The following RBMS3 variants were observed in gnomAD, a reference collection of about 807,000 sequenced individuals.
RBMS3 encodes RNA binding motif single stranded interacting protein 3.
A neutral mutation model predicts 66.8 loss-of-function variants in RBMS3; 27 were observed. The observed-to-expected ratio is 0.40, with a 90% CI of 0.30 to 0.56. The LOEUF is 0.56. Among genes scored for constraint, RBMS3 ranks in the 20% least tolerant of loss-of-function variants. The probability of loss-of-function intolerance (pLI) is 0.40; values close to 1 mark genes in which losing one functional copy is unlikely to be tolerated. For missense variants in RBMS3, 513 were observed against 549.5 expected, an observed-to-expected ratio of 0.93 and a Z score of 0.66; for synonymous variants, 188 against 183.0, an observed-to-expected ratio of 1.03 and a Z score of -0.22.
At chr3:29,294,392 T>C (rs1240511807) in intron 1 of RBMS3, among the ~76,000 whole-genome samples, 2 of 151,104 alleles carry the variant, frequency 1.3e-5, no homozygotes, top group Non-Finnish European at 3.0e-5. Flanking sequence ...TCCTAACTAA[T>C]GGGAAAAACC....
At chr3:29,363,654 G>A (rs187675018) in intron 1 of RBMS3, among the ~76,000 whole-genome samples, 2 of 152,172 alleles carry the variant, frequency 1.3e-5, no homozygotes, top group African/African-American at 4.8e-5. Context: ...GCCGAGTGTT[G>A]TGGCATGCAC....
intron 1 of RBMS3, among the ~76,000 whole-genome samples, chr3:29,296,695 C>T (rs181860192): frequency 6.6e-6 from 1 of 151,868 alleles, no homozygotes; most frequent in African/African-American, 2.4e-5. Flanking sequence ...ATCATAAAGT[C>T]TCAACAGTTT....
rs35876128 is a variant in RBMS3, at chr3:29,530,705, C to CAAAAA, written c.307+42219_307+42223dup. On this transcript the variant is annotated intron_variant, in intron 3 of 14. Coordinates refer to ENST00000383767, the MANE Select transcript of RBMS3 (RefSeq NM_001003793.3). Reference sequence around the variant, plus strand: ...TGAAACGCCATCTCTACTAAAAATACAAAAAAAAAAAAAAAAATTAGATGG... The same window carrying CAAAAA: ...TGAAACGCCATCTCTACTAAAAATACAAAAAAAAAAAAAAAAAAAAAATTAGATGG... Among the ~76,000 whole-genome samples, 233 of 123,724 alleles carry CAAAAA rather than the reference C, an allele frequency of 1.9e-3. 2 individuals are homozygous for CAAAAA. The highest frequency in any genetic ancestry group is 6.7e-3 in the African/African-American group (215 of 32,224). 81.2% of individuals were successfully genotyped at this position (123,724 alleles called of 152,430 possible).
intron 1 of RBMS3, among the ~76,000 whole-genome samples, chr3:29,286,981 A>G (rs1458267510): frequency 6.6e-6 from 1 of 152,128 alleles, no homozygotes; most frequent in Admixed American, 6.6e-5. Context: ...ATGTGATTAA[A>G]TAGTGTAATA....
At chr3:29,807,655 G>A (rs955436815) in intron 6 of RBMS3, among the ~76,000 whole-genome samples, 7 of 151,880 alleles carry the variant, frequency 4.6e-5, no homozygotes, top group Non-Finnish European at 5.9e-5. Flanking sequence ...AAAGAAATGA[G>A]ATGGCAATAT....
At chr3:29,821,944 T>A (rs1291099442) in intron 6 of RBMS3, among the ~76,000 whole-genome samples, 1 of 152,216 alleles carries the variant, frequency 6.6e-6, no homozygotes, top group Non-Finnish European at 1.5e-5. Context: ...ATAAAATACA[T>A]CTGGCTCTTC....
intron 12 of RBMS3, among the ~76,000 whole-genome samples, chr3:29,981,503 G>C (rs1202979572): frequency 6.6e-6 from 1 of 152,144 alleles, no homozygotes; most frequent in African/African-American, 2.4e-5. Context: ...TCCTTGTCTT[G>C]TGCTTGTTTT....
intron 8 of RBMS3, 134 bp from the exon 9 acceptor site, chr3:29,897,245 G>C: frequency 1.4e-6 from 1 of 707,360 alleles, no homozygotes; most frequent in Non-Finnish European, 2.5e-6. Context: ...AAATCTCCTA[G>C]ACGTTCTTGT....
At chr3:29,586,225 A>C (rs531144556) in intron 3 of RBMS3, among the ~76,000 whole-genome samples, 1 of 152,220 alleles carries the variant, frequency 6.6e-6, no homozygotes, top group African/African-American at 2.4e-5. Context: ...ATATTTCAAA[A>C]TATTCTTGGC....
At chr3:29,631,220 AAG>A (rs1241347599) in intron 4 of RBMS3, among the ~76,000 whole-genome samples, 3 of 152,072 alleles carry the variant, frequency 2.0e-5, no homozygotes, top group South Asian at 4.1e-4. Context: ...ACATAAAAAT[AAG>A]AACATTCCTT....
intron 4 of RBMS3, among the ~76,000 whole-genome samples, chr3:29,635,840 C>T (rs2049452837): frequency 6.6e-6 from 1 of 151,804 alleles, no homozygotes; most frequent in African/African-American, 2.4e-5. Flanking sequence ...CTCCTCCGTC[C>T]CTTTCCACTA....
chr3:29,752,131 G>A (rs1342961298), intron 5 of RBMS3, among the ~76,000 whole-genome samples: 2 of 152,158 alleles, frequency 1.3e-5, no homozygotes, highest in African/African-American at 2.4e-5. Flanking sequence ...TGTGGTGGAA[G>A]TAGTTCTCAG....
chr3:29,543,705 G>A (rs2045848749), intron 3 of RBMS3, among the ~76,000 whole-genome samples: 1 of 152,042 alleles, frequency 6.6e-6, no homozygotes, highest in Non-Finnish European at 1.5e-5. Context: ...GAGAGACTCT[G>A]TCTCAAAAAA....
In RBMS3 at chr3:30,004,899, A is replaced by G. The variant is rs1225145947; in HGVS notation, c.*1037A>G. 2.0e-5 allele frequency: 3 copies of G among 149,712 alleles called. No homozygotes were observed. The highest frequency in any genetic ancestry group is 7.4e-5 in the African/African-American group (3 of 40,660). The allele number at this position is 149,712 out of a possible 1,614,324, so 9.3% of individuals were successfully genotyped here. A position where few individuals can be genotyped will look rare whatever the true frequency, so the allele number is the denominator to read the frequency against. On this transcript the variant is annotated 3_prime_UTR_variant, in exon 15 of 15. Transcript: ENST00000383767. ...TAGCTTAAGAGCATTAAAAAAAAAAACTTAAGTAGATAGGAGCTTATGGTC... is the reference window on the plus strand; with the variant it reads ...TAGCTTAAGAGCATTAAAAAAAAAAGCTTAAGTAGATAGGAGCTTATGGTC...
intron 6 of RBMS3, among the ~76,000 whole-genome samples, chr3:29,812,739 G>T (rs2057763470): frequency 6.6e-6 from 1 of 152,092 alleles, no homozygotes; most frequent in Admixed American, 6.6e-5. Flanking sequence ...TCTTTTTTCT[G>T]AGAGTAATCA....
intron 1 of RBMS3, among the ~76,000 whole-genome samples, chr3:29,323,240 A>G (rs569137317): frequency 6.6e-6 from 1 of 152,038 alleles, no homozygotes; most frequent in South Asian, 2.1e-4. Flanking sequence ...TTTATGTTTT[A>G]TATGTTATTT....
intron 3 of RBMS3, among the ~76,000 whole-genome samples, chr3:29,572,609 C>T (rs539035005): frequency 5.2e-4 from 79 of 152,240 alleles, no homozygotes; most frequent in Admixed American, 3.2e-3. Context: ...GCCTCCAAGA[C>T]GTAAATCCCA....
At chr3:29,897,001 T>A (rs2060137329) in intron 8 of RBMS3, among the ~76,000 whole-genome samples, 1 of 151,604 alleles carries the variant, frequency 6.6e-6, no homozygotes, top group African/African-American at 2.4e-5. Context: ...ACAGAAGACA[T>A]AGATGCAATT....
chr3:29,558,071 A>G (rs547607242), intron 3 of RBMS3, among the ~76,000 whole-genome samples: 12 of 152,292 alleles, frequency 7.9e-5, no homozygotes, highest in African/African-American at 2.9e-4. Flanking sequence ...ATGAAATGGG[A>G]GCTCACAGTG....
Sources: gnomAD v4.1 joint callset for allele counts (sites outside exome capture counted in the v4.1 genomes callset) on GRCh38, gnomAD v4.1.1 for gene constraint, MANE v1.5 for transcripts, NCBI Gene and HGNC (gene_info 2026-07-23, HGNC 2026-07-21) for gene names.